The following GRHL2 variants were observed in gnomAD, a reference collection of about 807,000 sequenced individuals.
GRHL2 encodes the protein grainyhead like transcription factor 2.
In GRHL2, 21 loss-of-function variants were observed where a neutral mutation model predicts 83.8. That is an observed-to-expected ratio of 0.25 (90% CI 0.18 to 0.36). GRHL2 has a LOEUF of 0.36. GRHL2 is among the 10% of genes least tolerant of loss of function. The pLI is 1.00. For missense variants in GRHL2, 623 were observed against 781.8 expected, an observed-to-expected ratio of 0.80 and a Z score of 2.42; for synonymous variants, 280 against 278.9, an observed-to-expected ratio of 1.00 and a Z score of -0.04.
At chr8:101,637,054 G>A in intron 12 of GRHL2, 126 bp downstream of exon 12, 1 of 866,538 alleles carries the variant, frequency 1.2e-6, no homozygotes, top group Non-Finnish European at 2.0e-6. Context: ...ACTCAGAGCT[G>A]AGAGACGCTT....
intron 1 of GRHL2, among the ~76,000 whole-genome samples, chr8:101,523,920 T>C (rs778417324): frequency 6.6e-6 from 1 of 152,222 alleles, no homozygotes; most frequent in Non-Finnish European, 1.5e-5. Flanking sequence ...TTGACTCACA[T>C]ACTTATTGGT....
intron 7 of GRHL2, among the ~76,000 whole-genome samples, chr8:101,578,538 T>A (rs1811980688): frequency 6.6e-6 from 1 of 152,190 alleles, no homozygotes; most frequent in African/African-American, 2.4e-5. Context: ...TCTTAAAGCT[T>A]CCAAAAATTA....
At chr8:101,649,309 G>A in intron 13 of GRHL2, 105 bp from the exon 14 acceptor site, 1 of 841,060 alleles carries the variant, frequency 1.2e-6, no homozygotes, top group Non-Finnish European at 2.0e-6. Flanking sequence ...GGCTTCGCAG[G>A]AGGTGCCACT....
In GRHL2 at chr8:101,634,774, C is replaced by T. The variant is rs149994508; in HGVS notation, c.1486-2123C>T. Among the ~76,000 whole-genome samples the T allele has an allele frequency of 1.7e-3, 252 of 152,274 alleles. 2 individuals carry two copies. The East Asian group carries it at 0.031, about 19-fold the overall frequency. ...ACTTGGGGAGTGGGTATTTCACTCT[C>T]AGGCCACCTGCCCCCCACCCCACTG... On this transcript the variant is annotated intron_variant, in intron 11 of 15. Transcript: ENST00000646743.
chr8:101,613,733 A>G lies in GRHL2; in HGVS notation c.1099-5806A>G, dbSNP rs193221837. Among the ~76,000 whole-genome samples, 41 of 151,118 alleles carry G rather than the reference A, an allele frequency of 2.7e-4. No homozygotes were observed. In the East Asian group the frequency reaches 7.7e-3, roughly 29 times the overall value. On this transcript the variant is annotated intron_variant, in intron 8 of 15. Coordinates refer to ENST00000646743, the MANE Select transcript of GRHL2 (RefSeq NM_024915.4). ...GAGAAACTGGCAAGAGCACATTTAT[A>G]TAGTTATATATTGTTTGTGAAAGGA...
chr8:101,672,146 C>A (rs1024540059), downstream of GRHL2, among the ~76,000 whole-genome samples: 6 of 151,702 alleles, frequency 4.0e-5, no homozygotes. Flanking sequence ...AAGCAGAGCA[C>A]CTCTCCTCCT....
At chr8:101,579,713 T>A (rs1812010151) in intron 7 of GRHL2, among the ~76,000 whole-genome samples, 1 of 152,328 alleles carries the variant, frequency 6.6e-6, no homozygotes, top group South Asian at 2.1e-4. Flanking sequence ...TCTCTGCCAG[T>A]GGGTTGTAAA....
intron 6 of GRHL2, among the ~76,000 whole-genome samples, chr8:101,576,031 C>T (rs1013069912): frequency 2.0e-5 from 3 of 152,212 alleles, no homozygotes; most frequent in African/African-American, 7.2e-5. Context: ...TTCAAAGTGA[C>T]AGCCAGCCAC....
chr8:101,570,229 T>G (rs534348946), intron 4 of GRHL2, 110 bp from the exon 5 acceptor site: 1 of 936,920 alleles, frequency 1.1e-6, no homozygotes, highest in African/African-American at 1.6e-5. Flanking sequence ...ATCAAATACA[T>G]AACTTTATTT....
At chr8:101,598,440 A>G (rs1812440603) in intron 7 of GRHL2, among the ~76,000 whole-genome samples, 1 of 151,844 alleles carries the variant, frequency 6.6e-6, no homozygotes, top group Non-Finnish European at 1.5e-5. Context: ...GGGTTTCACC[A>G]TGTTAGCCAG....
chr8:101,589,233 G>C lies in GRHL2; in HGVS notation c.1004-9824G>C, dbSNP rs73701935. On this transcript the variant is annotated intron_variant, in intron 7 of 15. Transcript: ENST00000646743. ...TTCATTCAGAAAACTGTCAGAAACT[G>C]CCAGGTACTTTTGTGTGATTTACAA... is the stretch of plus-strand genomic sequence containing the variant. Among the ~76,000 whole-genome samples the C allele has an allele frequency of 3.9e-3, 597 of 152,298 alleles. 2 individuals are homozygous for C. Among genetic ancestry groups the C allele is most frequent in the African/African-American group, 0.013 (529 of 41,558 alleles).
At chr8:101,502,763 C>T (rs924973335) in intron 1 of GRHL2, among the ~76,000 whole-genome samples, 1 of 151,920 alleles carries the variant, frequency 6.6e-6, no homozygotes, top group Non-Finnish European at 1.5e-5. Flanking sequence ...TCCTCCTATT[C>T]TTTCTCCTCT....
At chr8:101,512,270 A>G (rs1210354203) in intron 1 of GRHL2, among the ~76,000 whole-genome samples, 1 of 152,124 alleles carries the variant, frequency 6.6e-6, no homozygotes, top group Non-Finnish European at 1.5e-5. Flanking sequence ...TATAGAGTTG[A>G]TATCTTATTC....
At chr8:101,544,461 A>G (rs1214042869) in intron 2 of GRHL2, among the ~76,000 whole-genome samples, 3 of 152,236 alleles carry the variant, frequency 2.0e-5, no homozygotes, top group Non-Finnish European at 4.4e-5. Context: ...ATTTCAGGAA[A>G]TCAAACAAAA....
In GRHL2 at chr8:101,492,669, C is replaced by A; in HGVS notation, c.-101C>A. ...TTACCTGTAGCTCTTGTTCTGCCATCTCGGGCGCTCTCACACACCTTCACC... is the reference window on the plus strand; with the variant it reads ...TTACCTGTAGCTCTTGTTCTGCCATATCGGGCGCTCTCACACACCTTCACC... On this transcript the variant is annotated 5_prime_UTR_variant, in exon 1 of 16. Coordinates refer to ENST00000646743, the MANE Select transcript of GRHL2 (RefSeq NM_024915.4). 1.1e-6 allele frequency: 1 copy of A among 939,802 alleles called. No homozygotes were observed. Among genetic ancestry groups the A allele is most frequent in the Non-Finnish European group, 1.8e-6 (1 of 563,686 alleles). 58.2% of individuals were successfully genotyped at this position (939,802 alleles called of 1,614,324 possible). A position where few individuals can be genotyped will look rare whatever the true frequency, so the allele number is the denominator to read the frequency against.
At chr8:101,593,209 G>GTGT (rs770917828) in intron 7 of GRHL2, among the ~76,000 whole-genome samples, 1 of 151,988 alleles carries the variant, frequency 6.6e-6, no homozygotes, top group Non-Finnish European at 1.5e-5. Flanking sequence ...GCCTCCCAAA[G>GTGT]TGTTAGGATT....
chr8:101,613,449 C>T (rs28498061), intron 8 of GRHL2, among the ~76,000 whole-genome samples: 20,834 of 150,662 alleles, frequency 0.14, 2,003 homozygotes, highest in African/African-American at 0.16. Flanking sequence ...TCTTGCATCC[C>T]GTATTCCCAT....
intron 2 of GRHL2, among the ~76,000 whole-genome samples, chr8:101,550,443 G>A (rs967965601): frequency 1.1e-4 from 17 of 152,076 alleles, no homozygotes; most frequent in African/African-American, 3.6e-4. Context: ...CAGAACACGC[G>A]GTATTTGGTT....
intron 12 of GRHL2, among the ~76,000 whole-genome samples, chr8:101,641,537 G>T (rs1448342724): frequency 6.6e-6 from 1 of 152,126 alleles, no homozygotes; most frequent in Admixed American, 6.5e-5. Flanking sequence ...AGAGATCCAT[G>T]GTTCAGACCT....
Sources: gnomAD v4.1 joint callset for allele counts (sites outside exome capture counted in the v4.1 genomes callset) on GRCh38, gnomAD v4.1.1 for gene constraint, MANE v1.5 for transcripts, NCBI Gene and HGNC (gene_info 2026-07-23, HGNC 2026-07-21) for gene names.